The following ZNF106 variants were observed in gnomAD, a reference collection of about 807,000 sequenced individuals.
The protein encoded by ZNF106 is SH3-domain binding protein 3.
Under a neutral mutation model 195.1 loss-of-function variants are expected in ZNF106, and 67 were observed. The observed-to-expected ratio is 0.34, with a 90% CI of 0.28 to 0.42. The LOEUF is 0.42. ZNF106 is among the 10% of genes least tolerant of loss of function. ZNF106 has a pLI of 1.00. For missense variants in ZNF106, 2,118 were observed against 2,304.5 expected (o/e 0.92, Z 1.66); for synonymous variants, 784 against 818.6 (o/e 0.96, Z 0.72).
At chr15:42,422,220 T>G (rs1251777062) in intron 18 of ZNF106, among the ~76,000 whole-genome samples, 2 of 151,950 alleles carry the variant, frequency 1.3e-5, no homozygotes, top group African/African-American at 4.8e-5. Flanking sequence ...GAATCAGAGT[T>G]TCAAACTTGA....
At chr15:42,478,086 C>A (rs567857738) in intron 1 of ZNF106, among the ~76,000 whole-genome samples, 1 of 148,536 alleles carries the variant, frequency 6.7e-6, no homozygotes, top group East Asian at 2.0e-4. Flanking sequence ...CCTGAAACTA[C>A]GTCTCAAAAA....
At chr15:42,463,371 C>A (rs1003879234) in intron 3 of ZNF106, among the ~76,000 whole-genome samples, 59 of 152,062 alleles carry the variant, frequency 3.9e-4, no homozygotes, top group Admixed American at 3.9e-3. Context: ...ATGTTAATGA[C>A]ATAGAGATCA....
chr15:42,433,266 T>C (rs1286806889), intron 14 of ZNF106, among the ~76,000 whole-genome samples: 6 of 148,088 alleles, frequency 4.1e-5, no homozygotes, highest in East Asian at 4.2e-4. Flanking sequence ...CCACCACGCC[T>C]GGCTAATTTT....
chr15:42,445,062 C>A, intron 7 of ZNF106, 81 bp from the exon 8 acceptor site: 1 of 1,502,210 alleles, frequency 6.7e-7, no homozygotes, highest in Non-Finnish European at 9.0e-7. Context: ...AAACTATACC[C>A]ATTATTTAGG....
chr15:42,442,637 G>C (rs1291308178), intron 9 of ZNF106, among the ~76,000 whole-genome samples: 1 of 132,716 alleles, frequency 7.5e-6, no homozygotes. Flanking sequence ...TTTTTTTTGA[G>C]ATAGGGTCTC....
chr15:42,451,565 A>G lies in ZNF106; in HGVS notation c.707T>C (p.Phe236Ser). The change falls in exon 5 of 22, where the codon TTT (phenylalanine) becomes TCT (serine). Residue 236 changes from phenylalanine (F) to serine (S), a missense_variant. Phe to Ser is a radical substitution (Grantham distance 155). Coordinates refer to ENST00000564754, the MANE Select transcript of ZNF106 (RefSeq NM_001366845.3). ...ACTGTTGTTCATATGCCAACTGGAAAAGCCACCTGTTCCTTCAGAAAGCCA... is the reference window on the plus strand; with the variant it reads ...ACTGTTGTTCATATGCCAACTGGAAGAGCCACCTGTTCCTTCAGAAAGCCA... ...SSWLSEGTGG[F>S]SSWHMNNSNG... 2.5e-6 allele frequency: 4 copies of G among 1,614,152 alleles called. No individual in the cohort carries two copies. Among genetic ancestry groups the G allele is most frequent in the Non-Finnish European group, 3.4e-6 (4 of 1,180,018 alleles).
At chr15:42,487,100 A>C (rs2057034439) in intron 1 of ZNF106, among the ~76,000 whole-genome samples, 1 of 152,268 alleles carries the variant, frequency 6.6e-6, no homozygotes, top group South Asian at 2.1e-4. Context: ...CAGTGAGCAG[A>C]GATCGTGCCA....
At position 42,417,178 on chromosome 15, in the gene ZNF106, T is replaced by A. The variant is rs1233512228; in HGVS notation, c.*126A>T. 7.6e-6 allele frequency: 7 copies of A among 922,580 alleles called. No individual in the cohort carries two copies. The highest frequency in any genetic ancestry group is 1.2e-5 in the Non-Finnish European group (7 of 588,486). 57.1% of individuals were successfully genotyped at this position (922,580 alleles called of 1,614,324 possible). A position where few individuals can be genotyped will look rare whatever the true frequency, so the allele number is the denominator to read the frequency against. On this transcript the variant is annotated 3_prime_UTR_variant, in exon 22 of 22. Transcript: ENST00000564754. The stretch of plus-strand genomic sequence containing the variant: ...GAGCTGCCCAGACTTATGCTAGGGG[T>A]ATGCCTGGCTAGTAACCACTTTCTC...
rs1284523819 is a variant in ZNF106, at chr15:42,413,615, T to C, written c.*3689A>G. The C allele has an allele frequency of 6.6e-6, 1 of 152,660 alleles. No homozygotes were observed. The highest frequency in any genetic ancestry group is 1.5e-5 in the Non-Finnish European group (1 of 68,048). 9.5% of individuals were successfully genotyped at this position (152,660 alleles called of 1,614,324 possible). ...TCATCCACATGCCTCATCACTAAAG[T>C]TGTCCCTTGTATAATCTACCAGCAA... On this transcript the variant is annotated 3_prime_UTR_variant, in exon 22 of 22. Coordinates refer to ENST00000564754, the MANE Select transcript of ZNF106 (RefSeq NM_001366845.3).
chr15:42,476,713 C>T (rs935594329), intron 1 of ZNF106, among the ~76,000 whole-genome samples: 4 of 151,994 alleles, frequency 2.6e-5, no homozygotes, highest in African/African-American at 9.7e-5. Flanking sequence ...ACACTGAGTA[C>T]ACCGAGGAGG....
chr15:42,435,562 G>A, intron 13 of ZNF106, 44 bp from the exon 14 acceptor site: 3 of 1,609,866 alleles, frequency 1.9e-6, no homozygotes, highest in Non-Finnish European at 2.6e-6. Flanking sequence ...TGAGATATAG[G>A]AGGATTAGAT....
chr15:42,486,806 A>G (rs907631122), intron 1 of ZNF106, among the ~76,000 whole-genome samples: 1 of 152,020 alleles, frequency 6.6e-6, no homozygotes, highest in Non-Finnish European at 1.5e-5. Flanking sequence ...ATATATGTCA[A>G]GGCACCATAT....
chr15:42,436,668 C>G (rs941700294), intron 13 of ZNF106, among the ~76,000 whole-genome samples: 1 of 152,168 alleles, frequency 6.6e-6, no homozygotes, highest in African/African-American at 2.4e-5. Flanking sequence ...GAGTAATAAG[C>G]ATCAGATAAT....
At chr15:42,462,381 T>C (rs2056412884) in intron 3 of ZNF106, among the ~76,000 whole-genome samples, 2 of 152,172 alleles carry the variant, frequency 1.3e-5, no homozygotes, top group African/African-American at 4.8e-5. Context: ...GTGGATCATC[T>C]GAGGTCAGGA....
intron 1 of ZNF106, among the ~76,000 whole-genome samples, chr15:42,476,377 G>A (rs2056785403): frequency 6.6e-6 from 1 of 152,164 alleles, no homozygotes; most frequent in African/African-American, 2.4e-5. Flanking sequence ...AGAAGCCAAG[G>A]AAATACAAAC....
intron 16 of ZNF106, chr15:42,424,551 T>A (rs2054784663): frequency 2.7e-6 from 1 of 366,360 alleles, no homozygotes; most frequent in Non-Finnish European, 5.0e-6. Context: ...AGTGGCACAA[T>A]CATGGCTCAC....
chr15:42,429,152 G>A (rs2054964123), intron 14 of ZNF106, among the ~76,000 whole-genome samples: 1 of 151,604 alleles, frequency 6.6e-6, no homozygotes. Flanking sequence ...TTCAAAATTT[G>A]TTGTTGAGGC....
rs1468241202 is a variant in ZNF106, at chr15:42,439,701, C to T, written c.3876G>A (p.Glu1292=). The change falls in exon 11 of 22, where the codon GAG becomes GAA. Residue 1292 remains glutamate, a synonymous_variant. Coordinates refer to ENST00000564754, the MANE Select transcript of ZNF106 (RefSeq NM_001366845.3). Reference sequence around the variant, plus strand: ...TTTCTCTGTTTCTGGTATTTCTTTGCTCCACAGAAAACTTCAGTTCTTGGC... The same window carrying T: ...TTTCTCTGTTTCTGGTATTTCTTTGTTCCACAGAAAACTTCAGTTCTTGGC... ...EPSQELKFSV[E]QRNTRNRENS... 1.2e-6 allele frequency: 2 copies of T among 1,613,902 alleles called. No individual in the cohort carries two copies. The highest frequency in any genetic ancestry group is 2.2e-5 in the South Asian group (2 of 91,064).
rs931671129 is a variant in ZNF106 at position 42,437,275 on chromosome 15, T to A, written c.4703A>T (p.Tyr1568Phe). The change falls in exon 13 of 22, where the codon TAT (tyrosine) becomes TTT (phenylalanine). Residue 1568 changes from tyrosine (Y) to phenylalanine (F), a missense_variant. Transcript: ENST00000564754. ...NAIQIFGNLL[Y>F]TCSADKTVRV... ...AACAGTTTTATCTGCTGAACAGGTA[T>A]ATAGCAAGTTCCCAAATATCTGAAT... 1.2e-6 allele frequency: 2 copies of A among 1,614,108 alleles called. No homozygotes were observed. Among genetic ancestry groups the A allele is most frequent in the Non-Finnish European group, 1.7e-6 (2 of 1,180,014 alleles).
Sources: allele counts gnomAD v4.1 joint callset (sites outside exome capture counted in the v4.1 genomes callset), GRCh38; gene constraint gnomAD v4.1.1; transcripts MANE v1.5; gene names NCBI Gene and HGNC (gene_info 2026-07-23, HGNC 2026-07-21).